The following FYB2 variants were observed in gnomAD, a reference collection of about 807,000 sequenced individuals.
The protein encoded by FYB2 is FYN binding protein 2.
In FYB2, 103 loss-of-function variants were observed where a neutral mutation model predicts 94.1. That is an observed-to-expected ratio of 1.09 (90% CI 0.93 to 1.29). The LOEUF is 1.29. Ranked by LOEUF, FYB2 falls within the 50% of genes most tolerant of loss-of-function variation. The pLI, the probability that FYB2 is intolerant of heterozygous loss-of-function variation, is 0.00. For synonymous variants in FYB2, 293 were observed against 287.9 expected (o/e 1.02, Z -0.18); for missense variants, 896 against 841.5 (o/e 1.06, Z -0.80).
chr1:56,744,186 T>A lies in FYB2; in HGVS notation c.1468A>T (p.Ile490Leu), dbSNP rs1459498850. Residue 490 changes from isoleucine to leucine, a missense_variant, in exon 10 of 20, where the codon ATA becomes TTA. Physicochemically the swap from Ile to Leu is conservative, Grantham distance 5 (BLOSUM62 2). Coordinates refer to ENST00000343433, the MANE Select transcript of FYB2 (RefSeq NM_001004303.5). ...CTGGAGTACTCGACATCATCATATA[T>A]CTCCTCCGAGATGGAACTTGTCTTA... is the stretch of plus-strand genomic sequence containing the variant. ...VSKTSSISEEIYDDVEYSRKE... is the reference protein window; with the variant it reads ...VSKTSSISEELYDDVEYSRKE... The A allele has an allele frequency of 1.9e-6, 3 of 1,612,460 alleles. No individual in the cohort carries two copies. The highest frequency in any genetic ancestry group is 2.5e-6 in the Non-Finnish European group (3 of 1,179,270).
chr1:56,788,910 G>C, intron 3 of FYB2, 63 bp downstream of exon 3: 1 of 1,584,928 alleles, frequency 6.3e-7, no homozygotes, highest in Non-Finnish European at 8.7e-7. Flanking sequence ...TCACCTGGGA[G>C]AGGATGTGGA....
At chr1:56,720,431 G>A in intron 17 of FYB2, 102 bp from the exon 18 acceptor site, 1 of 1,071,104 alleles carries the variant, frequency 9.3e-7, no homozygotes, top group Non-Finnish European at 1.3e-6. Context: ...ATTAACTCAA[G>A]ATACTATTGA....
chr1:56,736,916 G>A (rs967360764), intron 15 of FYB2, among the ~76,000 whole-genome samples, 171 bp downstream of exon 15: 1 of 151,986 alleles, frequency 6.6e-6, no homozygotes, highest in African/African-American at 2.4e-5. Flanking sequence ...TACCACTTTT[G>A]GATCATATAT....
At chr1:56,786,792 TAGA>T (rs566039592) in intron 4 of FYB2, among the ~76,000 whole-genome samples, 1 of 152,282 alleles carries the variant, frequency 6.6e-6, no homozygotes, top group African/African-American at 2.4e-5. Flanking sequence ...GCAAAATTCT[TAGA>T]AGGAGTACAC....
intron 4 of FYB2, among the ~76,000 whole-genome samples, chr1:56,779,001 A>G (rs931571776): frequency 6.6e-6 from 1 of 152,152 alleles, no homozygotes; most frequent in Non-Finnish European, 1.5e-5. Flanking sequence ...AAGATGACAC[A>G]CACAAGAAAA....
chr1:56,778,756 A>T (rs1231540882), intron 4 of FYB2, among the ~76,000 whole-genome samples: 2 of 152,208 alleles, frequency 1.3e-5, no homozygotes, highest in Non-Finnish European at 2.9e-5. Context: ...TGCTATAGCC[A>T]GGAAAGCTGA....
chr1:56,796,471 G>A (rs1279545355), intron 1 of FYB2, among the ~76,000 whole-genome samples: 2 of 152,018 alleles, frequency 1.3e-5, no homozygotes, highest in East Asian at 1.9e-4. Context: ...TTACTGCTTC[G>A]AATGACTTCT....
chr1:56,758,773 A>G, intron 5 of FYB2, 23 bp from the exon 6 acceptor site: 2 of 1,576,680 alleles, frequency 1.3e-6, no homozygotes, highest in South Asian at 1.2e-5. Context: ...TAAAAAAATT[A>G]TTTCAAGGCA....
the FYB2 span, chr1:56,826,817 C>T: frequency 1.9e-3 from 285 of 152,302 alleles, 1 homozygote; most frequent in African/African-American, 6.6e-3. Context: ...TCCCAAGGGC[C>T]CCCAAGTCCG....
chr1:56,722,180 C>T (rs1453552292), intron 17 of FYB2, among the ~76,000 whole-genome samples: 2 of 152,076 alleles, frequency 1.3e-5, no homozygotes, highest in Non-Finnish European at 2.9e-5. Context: ...TAGATAATAA[C>T]ATATCACAAT....
chr1:56,749,500 G>A (rs1236341629), intron 9 of FYB2, among the ~76,000 whole-genome samples: 2 of 151,358 alleles, frequency 1.3e-5, no homozygotes, highest in African/African-American at 2.4e-5. Context: ...GTAATCATTG[G>A]CATTTTATCA....
At chr1:56,809,311 T>C (rs1188081409) in intron 1 of FYB2, among the ~76,000 whole-genome samples, 3 of 152,194 alleles carry the variant, frequency 2.0e-5, no homozygotes, top group Admixed American at 2.0e-4. Flanking sequence ...TAAAACATAA[T>C]ACAAGTATAT....
intron 18 of FYB2, 28 bp downstream of exon 18, chr1:56,720,145 A>G (rs857141): frequency 0.72 from 1,146,581 of 1,591,740 alleles, 417,102 homozygotes; most frequent in African/African-American, 0.95. Flanking sequence ...AGAATGAAAT[A>G]TTATGAAAGA....
intron 14 of FYB2, chr1:56,737,670 C>G (rs951921883): frequency 3.2e-4 from 48 of 152,276 alleles, no homozygotes; most frequent in African/African-American, 1.1e-3. Flanking sequence ...AATAATTAGG[C>G]ATTTTCATTT....
intron 9 of FYB2, among the ~76,000 whole-genome samples, chr1:56,746,764 A>G (rs548837929): frequency 6.6e-6 from 1 of 151,930 alleles, no homozygotes; most frequent in African/African-American, 2.4e-5. Context: ...AGCATTTTGT[A>G]TGTGTGTTTT....
chr1:56,752,519 G>C (rs753657107), intron 8 of FYB2, among the ~76,000 whole-genome samples: 14 of 151,986 alleles, frequency 9.2e-5, no homozygotes, highest in Non-Finnish European at 4.4e-5. Context: ...GGAATCTTAG[G>C]GAAACTGTCA....
chr1:56,770,455 A>G (rs1351206336), intron 4 of FYB2, among the ~76,000 whole-genome samples: 1 of 152,212 alleles, frequency 6.6e-6, no homozygotes, highest in East Asian at 1.9e-4. Context: ...TGAAGACTAC[A>G]AAATGATCAA....
chr1:56,738,718 C>T (rs527798022), intron 13 of FYB2, 65 bp from the exon 14 acceptor site: 7 of 1,519,696 alleles, frequency 4.6e-6, no homozygotes, highest in Non-Finnish European at 6.4e-6. Context: ...GATGAGCTGA[C>T]AGATCTCCAA....
intron 1 of FYB2, among the ~76,000 whole-genome samples, chr1:56,813,216 T>C (rs1198693603): frequency 2.0e-5 from 3 of 152,206 alleles, no homozygotes; most frequent in African/African-American, 7.2e-5. Context: ...ATTAGTCCGT[T>C]CTTACGCTGC....
Sources: gnomAD v4.1 joint callset for allele counts (sites outside exome capture counted in the v4.1 genomes callset) on GRCh38, gnomAD v4.1.1 for gene constraint, MANE v1.5 for transcripts, NCBI Gene and HGNC (gene_info 2026-07-23, HGNC 2026-07-21) for gene names.